EPHA5: variants seen among roughly 807,000 people sequenced by gnomAD.
The protein encoded by EPHA5 is EPH receptor A5.
EPHA5 carries 60 observed loss-of-function variants against 105.0 expected under a neutral mutation model. The ratio of observed to expected loss-of-function variants is 0.57; its 90% confidence interval spans 0.46 to 0.71. The LOEUF is 0.71. EPHA5 is among the 30% of genes least tolerant of loss of function. The pLI is 0.00. For synonymous variants in EPHA5, 513 were observed against 449.1 expected (o/e 1.14, Z -1.80); for missense variants, 1,218 against 1,274.7 (o/e 0.96, Z 0.68).
At chr4:65,533,122 T>C (rs952169824) in intron 3 of EPHA5, among the ~76,000 whole-genome samples, 2 of 152,172 alleles carry the variant, frequency 1.3e-5, no homozygotes, top group Non-Finnish European at 2.9e-5. Flanking sequence ...CAGGTCCTCA[T>C]TCTAAATACC....
chr4:65,412,476 T>C (rs1723004145), intron 7 of EPHA5, among the ~76,000 whole-genome samples: 1 of 152,260 alleles, frequency 6.6e-6, no homozygotes, highest in African/African-American at 2.4e-5. Flanking sequence ...ATCTAATAGA[T>C]ACTCTCTACA....
chr4:65,351,590 A>T lies in EPHA5; in HGVS notation c.2244T>A (p.Asp748Glu), dbSNP rs1722819828. The T allele has an allele frequency of 6.2e-7, 1 of 1,613,264 alleles. No individual in the cohort carries two copies. ...GSLDTFLKKNDGQFTVIQLVG... is the reference protein window; with the variant it reads ...GSLDTFLKKNEGQFTVIQLVG... ...CAAGCTGAATCACAGTGAACTGCCC[A>T]TCGTTTTTCTGTAAAGACAATGTAG... The change falls in exon 13 of 17, where the codon GAT becomes GAA. Residue 748 changes from aspartate (D) to glutamate (E), a missense_variant. By Grantham distance (45) the Asp-to-Glu change is conservative. Around this residue, in one of 3 missense-constraint regions of EPHA5, gnomAD observed 971 missense variants for 1,013.5 expected, o/e 0.96. Coordinates refer to ENST00000613740, the MANE Select transcript of EPHA5 (RefSeq NM_001281766.3).
intron 3 of EPHA5, among the ~76,000 whole-genome samples, chr4:65,517,690 G>A (rs1734238859): frequency 6.6e-6 from 1 of 151,592 alleles, no homozygotes; most frequent in South Asian, 2.1e-4. Context: ...TTTTTAGCTA[G>A]CATTTAGAAA....
In EPHA5 at chr4:65,564,472, C is replaced by T. The variant is rs186799783; in HGVS notation, c.910+37169G>A. On this transcript the variant is annotated intron_variant, in intron 3 of 16. Coordinates refer to ENST00000613740, the MANE Select transcript of EPHA5 (RefSeq NM_001281766.3). ...TGTGAATCCAGAATTAACCGCCATACGTTTTGCTTTCTAGTGACCTGGCTA... is the reference window on the plus strand; with the variant it reads ...TGTGAATCCAGAATTAACCGCCATATGTTTTGCTTTCTAGTGACCTGGCTA... 1.7e-4 allele frequency among the ~76,000 whole-genome samples: 26 copies of T among 151,770 alleles called. 1 individual carries two copies. Among genetic ancestry groups the T allele is most frequent in the East Asian group, 1.5e-3 (8 of 5,168 alleles).
intron 7 of EPHA5, among the ~76,000 whole-genome samples, chr4:65,408,011 C>T (rs956854463): frequency 5.3e-5 from 8 of 152,188 alleles, no homozygotes; most frequent in African/African-American, 1.9e-4. Context: ...GTGATTCGCC[C>T]ACCATAACCT....
At chr4:65,550,815 G>A (rs1344532690) in intron 3 of EPHA5, among the ~76,000 whole-genome samples, 1 of 151,974 alleles carries the variant, frequency 6.6e-6, no homozygotes, top group Non-Finnish European at 1.5e-5. Flanking sequence ...CAGCCTGGGC[G>A]ACAGAGCCAG....
intron 2 of EPHA5, among the ~76,000 whole-genome samples, chr4:65,629,642 T>G (rs984085261): frequency 6.6e-6 from 1 of 152,218 alleles, no homozygotes; most frequent in African/African-American, 2.4e-5. Flanking sequence ...ATGGAAATAC[T>G]TCCTCATCAG....
rs187944608 is a variant in EPHA5 at position 65,402,152 on chromosome 4, C to T, written c.1793+2222G>A. 1.3e-3 allele frequency among the ~76,000 whole-genome samples: 198 copies of T among 152,154 alleles called. 1 individual carries two copies. Among genetic ancestry groups the T allele is most frequent in the Middle Eastern group, 0.01 (3 of 294 alleles). On this transcript the variant is annotated intron_variant, in intron 8 of 16. Coordinates refer to ENST00000613740, the MANE Select transcript of EPHA5 (RefSeq NM_001281766.3). ...TCCCCCTTGGTTCCTCCCCTTTCAG[C>T]ACTTCTCCTTCCTGTTGCCTTGTGA...
chr4:65,398,391 C>G (rs1275436048), intron 8 of EPHA5, among the ~76,000 whole-genome samples: 1 of 152,102 alleles, frequency 6.6e-6, no homozygotes, highest in Non-Finnish European at 1.5e-5. Context: ...CATGGGCCTG[C>G]AGGAACCCCT....
At chr4:65,379,969 C>T (rs1198850383) in intron 8 of EPHA5, among the ~76,000 whole-genome samples, 3 of 151,710 alleles carry the variant, frequency 2.0e-5, no homozygotes, top group Non-Finnish European at 4.4e-5. Context: ...TTTCTGAAGA[C>T]GCTTTCACAG....
In EPHA5 at chr4:65,323,944, A is replaced by T. The variant is rs1329921706; in HGVS notation, c.*170T>A. On this transcript the variant is annotated 3_prime_UTR_variant, in exon 17 of 17. Coordinates refer to ENST00000613740, the MANE Select transcript of EPHA5 (RefSeq NM_001281766.3). Reference sequence around the variant, plus strand: ...GAAAAATGAAGACTAAGGACTAAGAACTGGATACTTCAGTAAAACCATGAT... The same window carrying T: ...GAAAAATGAAGACTAAGGACTAAGATCTGGATACTTCAGTAAAACCATGAT... The T allele has an allele frequency of 3.8e-6, 2 of 525,882 alleles. No homozygotes were observed. Among genetic ancestry groups the T allele is most frequent in the South Asian group, 4.9e-5 (2 of 40,930 alleles). The allele number at this position is 525,882 out of a possible 1,614,324, so 32.6% of individuals were successfully genotyped here. A position where few individuals can be genotyped will look rare whatever the true frequency, so the allele number is the denominator to read the frequency against.
At chr4:65,378,276 A>G (rs1032037782) in intron 8 of EPHA5, among the ~76,000 whole-genome samples, 4 of 151,880 alleles carry the variant, frequency 2.6e-5, no homozygotes, top group Non-Finnish European at 5.9e-5. Context: ...CAATTTGTCT[A>G]TTTATTATAT....
intron 3 of EPHA5, among the ~76,000 whole-genome samples, chr4:65,549,371 A>G (rs1033304714): frequency 6.6e-6 from 1 of 152,162 alleles, no homozygotes; most frequent in African/African-American, 2.4e-5. Flanking sequence ...AAATGATTAT[A>G]AATGGAAGGG....
At chr4:65,599,348 A>AACAC (rs71657190) in intron 3 of EPHA5, among the ~76,000 whole-genome samples, 31,127 of 148,490 alleles carry the variant, frequency 0.21, 3,449 homozygotes, top group Non-Finnish European at 0.24. Context: ...GGCATTTTAT[A>AACAC]ACACACACAC....
intron 3 of EPHA5, among the ~76,000 whole-genome samples, chr4:65,574,631 T>TATATATATACATATATATATATATACAC (rs1176951291): frequency 0.021 from 1,670 of 81,302 alleles, 149 homozygotes; most frequent in Middle Eastern, 0.039. Flanking sequence ...TATATACACA[T>TATATATATACATATATATATATATACAC]ATATATATAC....
chr4:65,659,328 A>AC (rs1194318296), intron 1 of EPHA5, among the ~76,000 whole-genome samples: 1,513 of 9,754 alleles, frequency 0.16, 30 homozygotes, highest in African/African-American at 0.29. Context: ...AGAAAAAAAA[A>AC]AAAAAAAAAA....
Position 65,531,618 on chromosome 4 carries a change from G to T in EPHA5, c.911-36075C>A, listed in dbSNP as rs1166371636. Among the ~76,000 whole-genome samples, 3 of 149,834 alleles carry T rather than the reference G, an allele frequency of 2.0e-5. No individual in the cohort carries two copies. In the East Asian group the frequency reaches 6.0e-4, roughly 30 times the overall value. ...GATCCAGGAATCTGATGATAAAGAG[G>T]ATATACTGAGATGTCTTTGCAGAAT... On this transcript the variant is annotated intron_variant, in intron 3 of 16. Coordinates refer to ENST00000613740, the MANE Select transcript of EPHA5 (RefSeq NM_001281766.3).
intron 5 of EPHA5, among the ~76,000 whole-genome samples, chr4:65,483,345 G>T (rs565045706): frequency 6.8e-4 from 103 of 152,284 alleles, no homozygotes; most frequent in African/African-American, 2.4e-3. Flanking sequence ...CTTTATAGCA[G>T]CATGACTTAC....
intron 4 of EPHA5, among the ~76,000 whole-genome samples, chr4:65,492,138 G>A (rs1195508418): frequency 2.0e-5 from 3 of 152,060 alleles, no homozygotes; most frequent in African/African-American, 4.8e-5. Flanking sequence ...CATGACTTTT[G>A]AGGGATTGTT....
Sources: gnomAD v4.1 joint callset for allele counts (sites outside exome capture counted in the v4.1 genomes callset) on GRCh38, gnomAD v4.1.1 for gene constraint, gnomAD v4.1.1 regional missense constraint, MANE v1.5 for transcripts, NCBI Gene and HGNC (gene_info 2026-07-23, HGNC 2026-07-21) for gene names.